Variants in GPR39 observed in about 807,000 individuals in gnomAD.
The protein encoded by GPR39 is G protein-coupled receptor 39, also known as zinc sensing receptor.
In GPR39, 23 loss-of-function variants were observed where a neutral mutation model predicts 18.4. The ratio of observed to expected loss-of-function variants is 1.25; its 90% CI spans 0.90 to 1.77. The LOEUF (loss-of-function observed/expected upper bound fraction) is 1.77. Among genes scored for constraint, GPR39 ranks in the 40% most tolerant of loss-of-function variants. The pLI, the probability that GPR39 is intolerant of heterozygous loss-of-function variation, is 0.00. For missense variants in GPR39, 647 were observed against 602.4 expected, an observed-to-expected ratio of 1.07 and a Z score of -0.78; for synonymous variants, 280 against 257.9, an observed-to-expected ratio of 1.09 and a Z score of -0.82.
At chr2:132,626,893 A>G (rs1030360833) in intron 1 of GPR39, among the ~76,000 whole-genome samples, 3 of 152,216 alleles carry the variant, frequency 2.0e-5, no homozygotes, top group African/African-American at 7.2e-5. Context: ...CTATAGGTAG[A>G]TCCTATTTTA....
In GPR39 at chr2:132,417,543, A is replaced by C; in HGVS notation, c.501A>C (p.Ala167=). 4 of 1,614,138 alleles carry C rather than the reference A, an allele frequency of 2.5e-6. No individual in the cohort carries two copies. The highest frequency in any genetic ancestry group is 3.4e-6 in the Non-Finnish European group (4 of 1,180,022). Reference sequence around the variant, plus strand: ...TCTGGGTCACCTCCGCCCTGGTGGCACTGCCCTTGCTGTTTGCCATGGGTA... The same window carrying C: ...TCTGGGTCACCTCCGCCCTGGTGGCCCTGCCCTTGCTGTTTGCCATGGGTA... ...GFVWVTSALV[A]LPLLFAMGTE... is the part of the protein sequence containing the mutation. Residue 167 remains alanine (A), a synonymous_variant, in exon 1 of 2, where the codon GCA becomes GCC. Transcript: ENST00000329321.
chr2:132,577,898 C>T (rs2104820285), intron 1 of GPR39, among the ~76,000 whole-genome samples: 1 of 152,100 alleles, frequency 6.6e-6, no homozygotes, highest in Admixed American at 6.6e-5. Context: ...CCTGGCTAGA[C>T]CTATCAGTAC....
intron 1 of GPR39, among the ~76,000 whole-genome samples, chr2:132,588,515 G>T (rs1390607023): frequency 1.3e-5 from 2 of 152,180 alleles, no homozygotes; most frequent in Non-Finnish European, 2.9e-5. Flanking sequence ...TGATGGCTGG[G>T]AGCCTAGAAT....
At position 132,432,347 on chromosome 2, in the gene GPR39, G is replaced by A. The variant is rs557912710; in HGVS notation, c.856+14449G>A. 2.6e-5 allele frequency among the ~76,000 whole-genome samples: 4 copies of A among 152,288 alleles called. No homozygotes were observed. In the South Asian group the frequency reaches 8.3e-4, roughly 32 times the overall value. On this transcript the variant is annotated intron_variant, in intron 1 of 1. Coordinates refer to ENST00000329321, the MANE Select transcript of GPR39 (RefSeq NM_001508.3). Reference sequence around the variant, plus strand: ...TAAGGACACAAACCCCATGAGGGATGTACTATCATGATGCAATCACTTCCC... The same window carrying A: ...TAAGGACACAAACCCCATGAGGGATATACTATCATGATGCAATCACTTCCC...
chr2:132,552,892 A>T (rs570257912), intron 1 of GPR39, among the ~76,000 whole-genome samples: 1 of 125,356 alleles, frequency 8.0e-6, no homozygotes, highest in Non-Finnish European at 1.6e-5. Context: ...ATATACACAC[A>T]TATATATATA....
intron 1 of GPR39, among the ~76,000 whole-genome samples, chr2:132,525,415 G>T (rs912099696): frequency 1.2e-4 from 19 of 152,276 alleles, no homozygotes; most frequent in Admixed American, 1.0e-3. Flanking sequence ...GTAATCCTAG[G>T]TAAGGGATCA....
At chr2:132,469,996 G>T (rs966683858) in intron 1 of GPR39, among the ~76,000 whole-genome samples, 2 of 152,238 alleles carry the variant, frequency 1.3e-5, no homozygotes, top group African/African-American at 4.8e-5. Flanking sequence ...TAAGTGTGGG[G>T]AGGTGAAAGG....
chr2:132,417,258 G>A lies in GPR39; in HGVS notation c.216G>A (p.Met72Ile). ...TGCAGAAGGAGGTGACAGACCACAT[G>A]GTGAGTTTGGCTTGCTCGGACATCT... ...GYLQKEVTDH[M>I]VSLACSDILV... Residue 72 changes from methionine (M) to isoleucine (I), a missense_variant, in exon 1 of 2, where the codon ATG becomes ATA. Met to Ile is a conservative substitution (Grantham distance 10). Transcript: ENST00000329321. The A allele has an allele frequency of 1.9e-6, 3 of 1,614,166 alleles. No individual in the cohort carries two copies. The highest frequency in any genetic ancestry group is 2.5e-6 in the Non-Finnish European group (3 of 1,180,034).
chr2:132,467,211 A>G (rs903004722), intron 1 of GPR39, among the ~76,000 whole-genome samples: 1 of 152,186 alleles, frequency 6.6e-6, no homozygotes, highest in Non-Finnish European at 1.5e-5. Context: ...AGATTCATGG[A>G]CCTAGCAGAG....
At chr2:132,420,036 G>C (rs1679978817) in intron 1 of GPR39, among the ~76,000 whole-genome samples, 1 of 152,170 alleles carries the variant, frequency 6.6e-6, no homozygotes, top group Admixed American at 6.5e-5. Context: ...ATAGGACCTT[G>C]GAGATCATCA....
chr2:132,569,958 A>G (rs923687544), intron 1 of GPR39, among the ~76,000 whole-genome samples: 1 of 152,144 alleles, frequency 6.6e-6, no homozygotes, highest in South Asian at 2.1e-4. Flanking sequence ...TGTAAATCCA[A>G]GAGACCTCTT....
chr2:132,607,227 T>C (rs1681156620), intron 1 of GPR39, among the ~76,000 whole-genome samples: 1 of 152,172 alleles, frequency 6.6e-6, no homozygotes, highest in African/African-American at 2.4e-5. Context: ...TTACAAGATA[T>C]TTGGTTTTTT....
At chr2:132,492,541 C>CAT (rs1205091304) in intron 1 of GPR39, among the ~76,000 whole-genome samples, 4 of 131,490 alleles carry the variant, frequency 3.0e-5, no homozygotes, top group African/African-American at 1.1e-4. Context: ...ATATATACAC[C>CAT]ATATATATAC....
At chr2:132,532,034 C>G (rs1389079387) in intron 1 of GPR39, among the ~76,000 whole-genome samples, 1 of 152,080 alleles carries the variant, frequency 6.6e-6, no homozygotes, top group Admixed American at 6.6e-5. Flanking sequence ...ACACAAAAAA[C>G]CCTTCAAAAA....
intron 1 of GPR39, among the ~76,000 whole-genome samples, chr2:132,574,933 T>C (rs1053526286): frequency 1.3e-5 from 2 of 152,240 alleles, no homozygotes; most frequent in African/African-American, 4.8e-5. Flanking sequence ...AGTCTTGCCC[T>C]TTTGTGACTG....
intron 1 of GPR39, among the ~76,000 whole-genome samples, chr2:132,521,992 C>G (rs897842849): frequency 6.6e-6 from 1 of 152,144 alleles, no homozygotes; most frequent in African/African-American, 2.4e-5. Flanking sequence ...GTATTTATGG[C>G]TTTTCCTCCC....
At chr2:132,516,418 G>A (rs547336419) in intron 1 of GPR39, among the ~76,000 whole-genome samples, 1 of 152,284 alleles carries the variant, frequency 6.6e-6, no homozygotes, top group Admixed American at 6.5e-5. Flanking sequence ...CTCAGGAGGT[G>A]GCCTTGGGTG....
intron 1 of GPR39, among the ~76,000 whole-genome samples, chr2:132,525,612 A>G (rs552925814): frequency 9.2e-5 from 14 of 152,308 alleles, no homozygotes; most frequent in African/African-American, 3.4e-4. Flanking sequence ...GGTTACGAAC[A>G]CTGTGATCGT....
intron 1 of GPR39, among the ~76,000 whole-genome samples, chr2:132,577,111 T>C (rs1386290520): frequency 6.6e-6 from 1 of 151,886 alleles, no homozygotes; most frequent in African/African-American, 2.4e-5. Flanking sequence ...ATCCCAGCAC[T>C]TTGGGAGGCT....
Sources: allele counts gnomAD v4.1 joint callset (sites outside exome capture counted in the v4.1 genomes callset), GRCh38; gene constraint gnomAD v4.1.1; transcripts MANE v1.5; gene names NCBI Gene and HGNC (gene_info 2026-07-23, HGNC 2026-07-21).